The following NBEA variants were observed in gnomAD, a reference collection of about 807,000 sequenced individuals.
The protein encoded by NBEA is lysosomal-trafficking regulator 2.
A neutral mutation model predicts 343.4 loss-of-function variants in NBEA; 44 were observed. That is an observed-to-expected ratio of 0.13 (90% confidence interval 0.10 to 0.16). The LOEUF (loss-of-function observed/expected upper bound fraction) is 0.16. Ranked by LOEUF, NBEA falls within the 10% of genes least tolerant of loss-of-function variation. The pLI is 1.00. For missense variants in NBEA, 2,555 were observed against 3,631.3 expected (o/e 0.70, Z 7.62); for synonymous variants, 1,175 against 1,238.7 (o/e 0.95, Z 1.08).
intron 38 of NBEA, among the ~76,000 whole-genome samples, chr13:35,411,781 A>G (rs1277947648): frequency 1.3e-5 from 2 of 152,068 alleles, no homozygotes; most frequent in African/African-American, 4.8e-5. Flanking sequence ...TACAGGCATG[A>G]GCCACCACAT....
rs35238270 is a variant in NBEA, at chr13:35,652,340, TAA to T, written c.8035+480_8035+481del. On this transcript the variant is annotated intron_variant, in intron 53 of 58. Coordinates refer to ENST00000379939, the MANE Select transcript of NBEA (RefSeq NM_001385012.1). ...GCACATGTACCCCAGAACTTAAATT[TAA>T]AAAAAAAAAAAAAAAGGGCCGGGCA... 2.7e-3 allele frequency among the ~76,000 whole-genome samples: 370 copies of T among 137,532 alleles called. 1 individual carries two copies. The highest frequency in any genetic ancestry group is 3.7e-3 in the Middle Eastern group (1 of 272). The allele number at this position is 137,532 out of a possible 152,430, so 90.2% of individuals were successfully genotyped here.
intron 1 of NBEA, among the ~76,000 whole-genome samples, chr13:35,040,525 TTGTC>T (rs1490405606): frequency 6.9e-6 from 1 of 145,222 alleles, no homozygotes; most frequent in Non-Finnish European, 1.5e-5. Context: ...TTATATCTCT[TTGTC>T]TGTAAGACTA....
chr13:35,073,066 TC>T (rs1593254168), intron 10 of NBEA, among the ~76,000 whole-genome samples: 2 of 152,144 alleles, frequency 1.3e-5, no homozygotes, highest in African/African-American at 4.8e-5. Flanking sequence ...AGTAATACAG[TC>T]TTTTGTTATT....
chr13:35,587,088 A>G (rs1005905667), intron 46 of NBEA, among the ~76,000 whole-genome samples: 19 of 152,146 alleles, frequency 1.2e-4, no homozygotes, highest in Admixed American at 1.2e-3. Context: ...TACATTCTCA[A>G]TCATTACTGC....
intron 39 of NBEA, among the ~76,000 whole-genome samples, chr13:35,437,395 A>G (rs531053219): frequency 2.0e-5 from 3 of 152,318 alleles, no homozygotes; most frequent in African/African-American, 4.8e-5. Flanking sequence ...CAATTTCATT[A>G]TTAAAACTTG....
chr13:35,304,762 T>A (rs2244609), intron 35 of NBEA, among the ~76,000 whole-genome samples: 126,185 of 151,686 alleles, frequency 0.83, 52,719 homozygotes, highest in South Asian at 0.94. Context: ...TTTTTAAAAA[T>A]TTTTTATATT....
intron 10 of NBEA, among the ~76,000 whole-genome samples, chr13:35,077,760 G>C (rs970105112): frequency 2.0e-5 from 3 of 152,052 alleles, no homozygotes; most frequent in Non-Finnish European, 4.4e-5. Context: ...TGTTGCCTCA[G>C]AACAAAGTCA....
chr13:35,615,032 A>T (rs1425781419), intron 48 of NBEA, among the ~76,000 whole-genome samples: 1 of 151,588 alleles, frequency 6.6e-6, no homozygotes, highest in Admixed American at 6.6e-5. Flanking sequence ...ATCCTTAAAA[A>T]ATCACTTTCA....
rs536694038 is a variant in NBEA at position 35,427,987 on chromosome 13, G to A, written c.6180-4282G>A. Among the ~76,000 whole-genome samples, 18 of 152,284 alleles carry A rather than the reference G, an allele frequency of 1.2e-4. No individual in the cohort carries two copies. In the South Asian group the frequency reaches 2.7e-3, roughly 23 times the overall value. ...CGTTTTTCAAGCCCATTGGGAAAGC[G>A]CAGTATTAGGGTGGGAGTGACCTGA... On this transcript the variant is annotated intron_variant, in intron 38 of 58. Coordinates refer to ENST00000379939, the MANE Select transcript of NBEA (RefSeq NM_001385012.1).
Position 35,157,062 on chromosome 13 carries a change from AT to A in NBEA, c.2652-9del. The A allele has an allele frequency of 6.6e-7, 1 of 1,510,720 alleles. No individual in the cohort carries two copies. 93.6% of individuals were successfully genotyped at this position (1,510,720 alleles called of 1,614,324 possible). Reference sequence around the variant, plus strand: ...ATTTGGATATTTTTAATGAGATCAAATTTTTTTCTCCCTAGATGCTTATTGC... The same window carrying A: ...ATTTGGATATTTTTAATGAGATCAAATTTTTTCTCCCTAGATGCTTATTGC... On this transcript the variant is annotated splice_polypyrimidine_tract_variant and intron_variant, in intron 20 of 58. Transcript: ENST00000379939.
At chr13:35,011,966 T>G (rs2152534138) in intron 1 of NBEA, among the ~76,000 whole-genome samples, 1 of 152,366 alleles carries the variant, frequency 6.6e-6, no homozygotes, top group African/African-American at 2.4e-5. Context: ...TTTATATCTG[T>G]TTATCAGTGC....
rs1427690177 is a variant in NBEA, at chr13:35,124,486, A to ATG, written c.2336+920_2336+921dup. 3.6e-4 allele frequency among the ~76,000 whole-genome samples: 54 copies of ATG among 148,200 alleles called. No homozygotes were observed. The Middle Eastern group carries it at 0.011, about 29-fold the overall frequency. The stretch of plus-strand genomic sequence containing the variant: ...GCCAGGATTGTAGAAAAGGATATAT[A>ATG]TGTGTGTGTATACACACACACACAC... On this transcript the variant is annotated intron_variant, in intron 17 of 58. Transcript: ENST00000379939.
At chr13:35,107,792 T>C (rs1282899471) in intron 11 of NBEA, among the ~76,000 whole-genome samples, 1 of 151,982 alleles carries the variant, frequency 6.6e-6, no homozygotes, top group Non-Finnish European at 1.5e-5. Flanking sequence ...AAAGGAAATG[T>C]ATGCAAGGGT....
At chr13:35,095,090 A>G (rs1274001138) in intron 10 of NBEA, among the ~76,000 whole-genome samples, 10 of 151,760 alleles carry the variant, frequency 6.6e-5, no homozygotes, top group African/African-American at 2.4e-4. Flanking sequence ...AACAGAACTT[A>G]GGTTTATATA....
chr13:35,377,640 A>G (rs938327419), intron 38 of NBEA, among the ~76,000 whole-genome samples: 2 of 152,146 alleles, frequency 1.3e-5, no homozygotes, highest in Non-Finnish European at 2.9e-5. Flanking sequence ...ATTGGTACCT[A>G]TCTATCCCTG....
chr13:35,622,551 T>C (rs1007807593), intron 48 of NBEA, among the ~76,000 whole-genome samples: 15 of 152,144 alleles, frequency 9.9e-5, no homozygotes, highest in Non-Finnish European at 1.6e-4. Flanking sequence ...AAAATAAACA[T>C]CAAAGACAAC....
At chr13:35,534,487 G>A (rs2078431986) in intron 41 of NBEA, among the ~76,000 whole-genome samples, 1 of 152,088 alleles carries the variant, frequency 6.6e-6, no homozygotes. Flanking sequence ...GCTCTCAATG[G>A]CATCACATTC....
intron 55 of NBEA, among the ~76,000 whole-genome samples, chr13:35,661,192 C>T (rs376606315): frequency 3.9e-5 from 6 of 152,186 alleles, no homozygotes; most frequent in Non-Finnish European, 8.8e-5. Flanking sequence ...CAGAGAGCTT[C>T]AGGTTCCAAC....
rs1244346428 is a variant in NBEA at position 35,002,942 on chromosome 13, A to C, written c.295-37991A>C. Reference sequence around the variant, plus strand: ...GTAGCCCAGTTCCTTCAACGTTTGAAGTGTTGGTTGTGCAAGGTACATACC... The same window carrying C: ...GTAGCCCAGTTCCTTCAACGTTTGACGTGTTGGTTGTGCAAGGTACATACC... On this transcript the variant is annotated intron_variant, in intron 1 of 58. Transcript: ENST00000379939. 2.0e-5 allele frequency among the ~76,000 whole-genome samples: 3 copies of C among 152,172 alleles called. No homozygotes were observed. In the East Asian group the frequency reaches 5.8e-4, roughly 29 times the overall value.
Sources: gnomAD v4.1 joint callset for allele counts (sites outside exome capture counted in the v4.1 genomes callset) on GRCh38, gnomAD v4.1.1 for gene constraint, MANE v1.5 for transcripts, NCBI Gene and HGNC (gene_info 2026-07-23, HGNC 2026-07-21) for gene names.